Variants in TTN observed in about 807,000 individuals in gnomAD.
TTN encodes the protein titin, also known as connectin.
TTN carries 1,525 observed loss-of-function variants against 3,223.0 expected under a neutral mutation model. The ratio of observed to expected loss-of-function variants is 0.47; its 90% CI spans 0.45 to 0.49. The LOEUF (loss-of-function observed/expected upper bound fraction) is 0.49, where lower values mean the gene tolerates loss of function less well. TTN is among the 20% of genes least tolerant of loss of function. The probability of loss-of-function intolerance (pLI) is 0.00; values close to 1 mark genes in which losing one functional copy is unlikely to be tolerated. For missense variants in TTN, 40,786 were observed against 43,424.0 expected, an observed-to-expected ratio of 0.94 and a Z score of 5.40; for synonymous variants, 14,094 against 15,161.0, an observed-to-expected ratio of 0.93 and a Z score of 5.17.
rs1374129248 is a variant in TTN, at chr2:178,734,510, T to G, written c.15314A>C (p.Glu5105Ala). 6.2e-7 allele frequency: 1 copy of G among 1,613,716 alleles called. No homozygotes were observed. The highest frequency in any genetic ancestry group is 8.5e-7 in the Non-Finnish European group (1 of 1,179,710). Residue 5105 changes from glutamate to alanine, a missense_variant, in exon 52 of 363, where the codon GAA becomes GCA. Glu to Ala is a moderately radical substitution (Grantham distance 107). Coordinates refer to ENST00000589042, the MANE Select transcript of TTN (RefSeq NM_001267550.2). ...TTTCTTGTCTTTGAACCAGCTAATT[T>G]CAAATGGTCCAGTGCCTGAGACTTC... ...QCEVSGTGPF[E>A]ISWFKDKKQI... is the part of the protein sequence containing the mutation.
chr2:178,567,518 A>C lies in TTN; in HGVS notation c.78614T>G (p.Val26205Gly). 6.2e-7 allele frequency: 1 copy of C among 1,612,276 alleles called. No homozygotes were observed. The highest frequency in any genetic ancestry group is 8.5e-7 in the Non-Finnish European group (1 of 1,179,222). ...MDPKFRDTIVVNAGETFRLEA... is the reference protein window; with the variant it reads ...MDPKFRDTIVGNAGETFRLEA... ...AAGTCTGAATGTTTCTCCAGCATTT[A>C]CCACAATTGTGTCTCTGAATTTTGG... is the stretch of plus-strand genomic sequence containing the variant. The change falls in exon 326 of 363, where the codon GTA (valine) becomes GGA (glycine). Residue 26205 changes from valine to glycine, a missense_variant. Coordinates refer to ENST00000589042, the MANE Select transcript of TTN (RefSeq NM_001267550.2).
In TTN at chr2:178,558,502, T is replaced by C; in HGVS notation, c.86957A>G (p.Gln28986Arg). 1 of 1,613,838 alleles carries C rather than the reference T, an allele frequency of 6.2e-7. No individual in the cohort carries two copies. The highest frequency in any genetic ancestry group is 8.5e-7 in the Non-Finnish European group (1 of 1,179,814). Reference protein sequence around the residue: ...HYVVEALEKGQKNWVKCAVAK... With the variant: ...HYVVEALEKGRKNWVKCAVAK... The stretch of plus-strand genomic sequence containing the variant: ...CACTGCACATTTAACCCAGTTTTTC[T>C]GTCCTTTTTCTAGTGCTTCAACGAC... Residue 28986 changes from glutamine (Q) to arginine (R), a missense_variant, in exon 327 of 363, where the codon CAG becomes CGG. Gln to Arg is a conservative substitution (Grantham distance 43, BLOSUM62 1). Coordinates refer to ENST00000589042, the MANE Select transcript of TTN (RefSeq NM_001267550.2).
intron 136 of TTN, 83 bp from the exon 137 acceptor site, chr2:178,681,533 A>G: frequency 6.9e-7 from 1 of 1,457,604 alleles, no homozygotes; most frequent in Non-Finnish European, 9.4e-7. Context: ...AAGAAAGACA[A>G]ATACAACATA....
chr2:178,677,966 AT>A, intron 145 of TTN, 49 bp from the exon 146 acceptor site: 1 of 1,566,392 alleles, frequency 6.4e-7, no homozygotes. Context: ...TATGTAAAAT[AT>A]TCACAACAAT....
chr2:178,667,355 GT>G (rs1369225424), intron 161 of TTN, 36 bp from the exon 162 acceptor site: 1 of 1,570,098 alleles, frequency 6.4e-7, no homozygotes, highest in Non-Finnish European at 8.7e-7. Flanking sequence ...TTTAAAAGTT[GT>G]AAAAACAGTA....
In TTN at chr2:178,597,797, A is replaced by G. The variant is rs1250339357; in HGVS notation, c.57285T>C (p.Asp19095=). The G allele has an allele frequency of 6.8e-6, 11 of 1,613,092 alleles. No individual in the cohort carries two copies. The highest frequency in any genetic ancestry group is 3.3e-5 in the South Asian group (3 of 91,052). ...DRLVSPDLQL[D]ASVRDRIVVH... ...CAACAATTCTATCTCTGACACTGGCATCTAGCTGAAGGTCAGGTGAAACTG... is the reference window on the plus strand; with the variant it reads ...CAACAATTCTATCTCTGACACTGGCGTCTAGCTGAAGGTCAGGTGAAACTG... Residue 19095 remains aspartate, a synonymous_variant, in exon 294 of 363, where the codon GAT becomes GAC. Coordinates refer to ENST00000589042, the MANE Select transcript of TTN (RefSeq NM_001267550.2).
Position 178,605,010 on chromosome 2 carries a change from C to T in TTN, c.54167G>A (p.Arg18056Gln), listed in dbSNP as rs376932266. 2.6e-5 allele frequency: 42 copies of T among 1,599,844 alleles called. No individual in the cohort carries two copies. The highest frequency in any genetic ancestry group is 3.4e-5 in the South Asian group (3 of 89,040). The change falls in exon 280 of 363, where the codon CGA becomes CAA. Residue 18056 changes from arginine (R) to glutamine (Q), a missense_variant. Transcript: ENST00000589042. ...ACCATATACTTCAACGTGAACATTTCGGAACACTGAGCCAAGGCGATTGGA... is the reference window on the plus strand; with the variant it reads ...ACCATATACTTCAACGTGAACATTTTGGAACACTGAGCCAAGGCGATTGGA... ...TASNRLGSVFRNVHVEVYDRP... is the reference protein window; with the variant it reads ...TASNRLGSVFQNVHVEVYDRP...
At chr2:178,726,964 T>C in intron 69 of TTN, 126 bp downstream of exon 69, 3 of 1,010,066 alleles carry the variant, frequency 3.0e-6, no homozygotes, top group Non-Finnish European at 4.0e-6. Context: ...GAAATAATAC[T>C]AGCTCAGAAA....
At position 178,792,161 on chromosome 2, in the gene TTN, C is replaced by T. The variant is rs2093539850; in HGVS notation, c.1573G>A (p.Val525Ile). The change falls in exon 10 of 363, where the codon GTA becomes ATA. Residue 525 changes from valine to isoleucine, a missense_variant. Transcript: ENST00000589042. The stretch of plus-strand genomic sequence containing the variant: ...TTGGCTTTAGCTGCGGAAATTACTA[C>T]CTTTGGTACAAATGTTTTTTCAGTT... The part of the protein sequence containing the change: ...KETEKTFVPK[V>I]VISAAKAKEQ... The T allele has an allele frequency of 6.2e-7, 1 of 1,609,850 alleles. No homozygotes were observed. The highest frequency in any genetic ancestry group is 8.5e-7 in the Non-Finnish European group (1 of 1,179,038).
At position 178,567,568 on chromosome 2, in the gene TTN, A is replaced by C; in HGVS notation, c.78564T>G (p.Val26188=). The part of the protein sequence containing the change: ...STGPITAKDE[V]ELPRISMDPK... ...GATCCATTGAAATTCTTGGGAGTTC[A>C]ACCTCATCCTTGGCAGTTATTGGTC... is the stretch of plus-strand genomic sequence containing the variant. Residue 26188 remains valine, a synonymous_variant, in exon 326 of 363, where the codon GTT becomes GTG. Transcript: ENST00000589042. 6.2e-7 allele frequency: 1 copy of C among 1,609,460 alleles called. No individual in the cohort carries two copies. Among genetic ancestry groups the C allele is most frequent in the Non-Finnish European group, 8.5e-7 (1 of 1,177,274 alleles).
At position 178,717,319 on chromosome 2, in the gene TTN, C is replaced by T; in HGVS notation, c.25415G>A (p.Ser8472Asn). Residue 8472 changes from serine to asparagine, a missense_variant, in exon 88 of 363, where the codon AGT (serine) becomes AAT (asparagine). Transcript: ENST00000589042. Reference sequence around the variant, plus strand: ...AGTTACATGACATTTAAAAGTACCACTTTCTCCAAGAGCAAGATCTACTGA... The same window carrying T: ...AGTTACATGACATTTAAAAGTACCATTTTCTCCAAGAGCAAGATCTACTGA... ...PVSVDLALGE[S>N]GTFKCHVTGT... The T allele has an allele frequency of 6.2e-7, 1 of 1,613,618 alleles. No homozygotes were observed. The highest frequency in any genetic ancestry group is 1.3e-5 in the African/African-American group (1 of 75,022).
chr2:178,588,866 T>A lies in TTN; in HGVS notation c.62859A>T (p.Lys20953Asn), dbSNP rs765002114. Residue 20953 changes from lysine to asparagine, a missense_variant, in exon 304 of 363, where the codon AAA becomes AAT. By Grantham distance (94) the Lys-to-Asn change is moderately conservative (BLOSUM62 0). Coordinates refer to ENST00000589042, the MANE Select transcript of TTN (RefSeq NM_001267550.2). ...CATACTTGGTTTTGGCTATGACTGG[T>A]TTACTTTCTGTTGGAGGCCCTGTGC... ...KIGTGPPTES[K>N]PVIAKTKYDK... 29 of 1,613,216 alleles carry A rather than the reference T, an allele frequency of 1.8e-5. No individual in the cohort carries two copies. Among genetic ancestry groups the A allele is most frequent in the Middle Eastern group, 1.6e-4 (1 of 6,078 alleles).
chr2:178,582,494 T>G lies in TTN; in HGVS notation c.65962A>C (p.Ile21988Leu). 6.2e-7 allele frequency: 1 copy of G among 1,612,976 alleles called. No homozygotes were observed. Among genetic ancestry groups the G allele is most frequent in the Non-Finnish European group, 8.5e-7 (1 of 1,179,346 alleles). Reference protein sequence around the residue: ...EPPLEDGGSEITNYIVDKRET... With the variant: ...EPPLEDGGSELTNYIVDKRET... ...CGTTTGTCAACAATATAGTTGGTGA[T>G]TTCTGAGCCTCCATCTTCAAGAGGC... The change falls in exon 314 of 363, where the codon ATC becomes CTC. Residue 21988 changes from isoleucine to leucine, a missense_variant. By Grantham distance (5) the Ile-to-Leu change is conservative. Transcript: ENST00000589042.
At chr2:178,527,981 G>T in intron 361 of TTN, 1 of 536,722 alleles carries the variant, frequency 1.9e-6, no homozygotes. Flanking sequence ...GCAGGTGCTA[G>T]GAATCACTAG....
Position 178,790,825 on chromosome 2 carries a change from T to C in TTN, c.1683A>G (p.Ile561Met), listed in dbSNP as rs1321890564. 1 of 1,614,176 alleles carries C rather than the reference T, an allele frequency of 6.2e-7. No homozygotes were observed. The highest frequency in any genetic ancestry group is 8.5e-7 in the Non-Finnish European group (1 of 1,179,998). The change falls in exon 11 of 363, where the codon ATA (isoleucine) becomes ATG (methionine). Residue 561 changes from isoleucine to methionine, a missense_variant. Physicochemically the swap from Ile to Met is conservative, Grantham distance 10. Transcript: ENST00000589042. ...CAACTACCACCATGGATGCAGCAGT[T>C]ATCTCAGTTTCCTGTCTTATCTGAT... Reference protein sequence around the residue: ...TQEAIRQETEITAASMVVVAT... With the variant: ...TQEAIRQETEMTAASMVVVAT...
Position 178,790,761 on chromosome 2 carries a change from C to T in TTN, c.1747G>A (p.Ala583Thr), listed in dbSNP as rs998955826. The T allele has an allele frequency of 6.2e-7, 1 of 1,614,126 alleles. No homozygotes were observed. Among genetic ancestry groups the T allele is most frequent in the African/African-American group, 1.3e-5 (1 of 75,034 alleles). ...KSTKLETVPG[A>T]QEETTTQQDQ... ...TGTTGTGTGGTAGTTTCTTCTTGAGCTCCCGGGACTGTTTCTAGTTTTGTG... is the reference window on the plus strand; with the variant it reads ...TGTTGTGTGGTAGTTTCTTCTTGAGTTCCCGGGACTGTTTCTAGTTTTGTG... The change falls in exon 11 of 363, where the codon GCT becomes ACT. Residue 583 changes from alanine to threonine, a missense_variant. By Grantham distance (58) the Ala-to-Thr change is moderately conservative. Transcript: ENST00000589042.
intron 90 of TTN, 56 bp downstream of exon 90, chr2:178,714,930 A>G: frequency 1.9e-6 from 3 of 1,554,934 alleles, no homozygotes; most frequent in Non-Finnish European, 2.6e-6. Flanking sequence ...AGGGGGCAAC[A>G]GAGTATTACA....
chr2:178,795,488 G>A (rs778569757), intron 6 of TTN, among the ~76,000 whole-genome samples: 14 of 150,878 alleles, frequency 9.3e-5, no homozygotes, highest in Non-Finnish European at 2.1e-4. Context: ...ATAAGCTGGA[G>A]ATTTTGTGCC....
intron 236 of TTN, 126 bp from the exon 237 acceptor site, chr2:178,631,426 C>T (rs2059787266): frequency 1.9e-6 from 2 of 1,034,206 alleles, no homozygotes; most frequent in Middle Eastern, 3.1e-4. Flanking sequence ...AGTGTTCAAT[C>T]ATTTAACCTG....
Sources: gnomAD v4.1 joint callset for allele counts (sites outside exome capture counted in the v4.1 genomes callset) on GRCh38, gnomAD v4.1.1 for gene constraint, MANE v1.5 for transcripts, NCBI Gene and HGNC (gene_info 2026-07-23, HGNC 2026-07-21) for gene names.